PCCA: variants seen among roughly 807,000 people sequenced by gnomAD.
PCCA encodes the protein propionyl-CoA carboxylase subunit alpha.
PCCA carries 74 observed loss-of-function variants against 101.3 expected under a neutral mutation model. The ratio of observed to expected loss-of-function variants is 0.73; its 90% CI spans 0.61 to 0.89. PCCA has a LOEUF of 0.89. Among genes scored for constraint, PCCA ranks in the 40% least tolerant of loss-of-function variants. The probability of loss-of-function intolerance (pLI) is 0.00; values close to 1 mark genes in which losing one functional copy is unlikely to be tolerated. For synonymous variants in PCCA, 294 were observed against 313.6 expected (o/e 0.94, Z 0.66); for missense variants, 891 against 907.0 (o/e 0.98, Z 0.23).
chr13:100,453,791 C>T (rs924350898), intron 21 of PCCA, among the ~76,000 whole-genome samples: 1 of 151,876 alleles, frequency 6.6e-6, no homozygotes, highest in Non-Finnish European at 1.5e-5. Flanking sequence ...ACCACATGTA[C>T]ACACCCCTAC....
chr13:100,299,874 G>A (rs1450100314), intron 12 of PCCA, among the ~76,000 whole-genome samples: 5 of 152,086 alleles, frequency 3.3e-5, no homozygotes, highest in Non-Finnish European at 2.9e-5. Context: ...CACCACACCC[G>A]GCTAATTGTT....
intron 4 of PCCA, among the ~76,000 whole-genome samples, chr13:100,117,673 A>C (rs2048930833): frequency 6.6e-6 from 1 of 152,094 alleles, no homozygotes. Context: ...ACCTAATGTA[A>C]ATGACGAGTT....
chr13:100,098,160 T>C (rs1450318923), intron 1 of PCCA, among the ~76,000 whole-genome samples: 3 of 151,630 alleles, frequency 2.0e-5, no homozygotes, highest in Non-Finnish European at 4.4e-5. Flanking sequence ...CTGTGAGTAG[T>C]CACTGCAGTC....
At chr13:100,211,211 C>T (rs1218230987) in intron 7 of PCCA, among the ~76,000 whole-genome samples, 1 of 152,182 alleles carries the variant, frequency 6.6e-6, no homozygotes, top group Non-Finnish European at 1.5e-5. Flanking sequence ...AAGAAACAAA[C>T]ATTTCTTCCA....
chr13:100,195,272 TA>T (rs1407956174), intron 6 of PCCA, among the ~76,000 whole-genome samples: 1 of 152,148 alleles, frequency 6.6e-6, no homozygotes, highest in African/African-American at 2.4e-5. Context: ...CTCATCTTCT[TA>T]AAAGATACAT....
chr13:100,386,504 C>G (rs1181165439), intron 19 of PCCA, among the ~76,000 whole-genome samples: 3 of 152,282 alleles, frequency 2.0e-5, no homozygotes, highest in African/African-American at 7.2e-5. Context: ...GCCTCAGCCT[C>G]CTGAGTAGCT....
chr13:100,447,835 G>A (rs1303658977), intron 20 of PCCA, among the ~76,000 whole-genome samples: 1 of 152,126 alleles, frequency 6.6e-6, no homozygotes, highest in East Asian at 1.9e-4. Context: ...TTAAACCACT[G>A]TCTTTCTTAT....
intron 10 of PCCA, among the ~76,000 whole-genome samples, chr13:100,267,848 A>G (rs1595026935): frequency 6.6e-6 from 1 of 152,152 alleles, no homozygotes; most frequent in East Asian, 1.9e-4. Context: ...CTAGAAAAAA[A>G]TTATTCATTG....
chr13:100,518,426 T>C (rs2086994754), intron 22 of PCCA, among the ~76,000 whole-genome samples: 1 of 152,246 alleles, frequency 6.6e-6, no homozygotes, highest in Admixed American at 6.5e-5. Context: ...CCTTGTGCAC[T>C]GATTCATTTG....
intron 20 of PCCA, among the ~76,000 whole-genome samples, chr13:100,437,397 G>A (rs759437196): frequency 7.3e-5 from 11 of 151,600 alleles, no homozygotes; most frequent in Non-Finnish European, 1.5e-4. Context: ...TAAACATTGA[G>A]AACTCTTGAA....
intron 6 of PCCA, among the ~76,000 whole-genome samples, chr13:100,203,560 G>T (rs932642943): frequency 1.3e-5 from 2 of 151,994 alleles, no homozygotes; most frequent in Non-Finnish European, 2.9e-5. Flanking sequence ...CCGGCATGGT[G>T]GGGGGTGCCT....
chr13:100,209,378 A>G lies in PCCA; in HGVS notation c.515A>G (p.Gln172Arg). The change falls in exon 7 of 24, where the codon CAA (glutamine) becomes CGA (arginine). Residue 172 changes from glutamine to arginine, a missense_variant. Transcript: ENST00000376285. ...VFIGPDTHAI[Q>R]AMGDKIESKL... The stretch of plus-strand genomic sequence containing the variant: ...ATTGGACCTGACACACATGCTATTC[A>G]AGCCATGGGCGACAAGATTGAAAGC... The G allele has an allele frequency of 6.2e-7, 1 of 1,613,472 alleles. No individual in the cohort carries two copies. The highest frequency in any genetic ancestry group is 8.5e-7 in the Non-Finnish European group (1 of 1,179,372).
chr13:100,369,052 T>C (rs1240643332), intron 19 of PCCA, among the ~76,000 whole-genome samples: 2 of 152,214 alleles, frequency 1.3e-5, no homozygotes, highest in Admixed American at 1.3e-4. Flanking sequence ...GGGTCCAAGA[T>C]AGAACTGCCA....
chr13:100,286,233 G>A (rs180977048), intron 12 of PCCA, among the ~76,000 whole-genome samples: 7 of 152,226 alleles, frequency 4.6e-5, no homozygotes, highest in Admixed American at 1.3e-4. Flanking sequence ...TTAATTGTCA[G>A]CAAGGCAAGT....
intron 16 of PCCA, among the ~76,000 whole-genome samples, chr13:100,329,987 A>G (rs1337770987): frequency 6.6e-6 from 1 of 152,218 alleles, no homozygotes; most frequent in Admixed American, 6.5e-5. Context: ...TGCACGTCAC[A>G]TAACCAATGC....
At chr13:100,127,021 G>A (rs2152314161) in intron 4 of PCCA, among the ~76,000 whole-genome samples, 1 of 152,288 alleles carries the variant, frequency 6.6e-6, no homozygotes, top group Admixed American at 6.5e-5. Context: ...AGCTCAGCAG[G>A]TTAAATTGTC....
At chr13:100,370,437 G>A (rs1052135761) in intron 19 of PCCA, among the ~76,000 whole-genome samples, 1 of 151,842 alleles carries the variant, frequency 6.6e-6, no homozygotes, top group Non-Finnish European at 1.5e-5. Context: ...CTGCATACGT[G>A]GTATCTTTCA....
intron 18 of PCCA, among the ~76,000 whole-genome samples, chr13:100,364,395 GTTAAA>G (rs1639923695): frequency 1.3e-5 from 2 of 152,148 alleles, no homozygotes; most frequent in Admixed American, 1.3e-4. Context: ...GTCTGTGCTG[GTTAAA>G]TTAATAAGAA....
At chr13:100,311,246 A>AT (rs397691091) in intron 16 of PCCA, among the ~76,000 whole-genome samples, 21 of 150,204 alleles carry the variant, frequency 1.4e-4, no homozygotes, top group African/African-American at 2.5e-4. Context: ...GAAAAAAAAA[A>AT]TTTTTTTTTA....
Sources: allele counts gnomAD v4.1 joint callset (sites outside exome capture counted in the v4.1 genomes callset), GRCh38; gene constraint gnomAD v4.1.1; transcripts MANE v1.5; gene names NCBI Gene and HGNC (gene_info 2026-07-23, HGNC 2026-07-21).